PBX1: variants seen among roughly 807,000 people sequenced by gnomAD.
PBX1 encodes pre-B-cell leukemia transcription factor 1.
PBX1 carries 6 observed loss-of-function variants against 53.4 expected under a neutral mutation model. The observed-to-expected ratio is 0.11, with a 90% CI of 0.06 to 0.22. The LOEUF is 0.22. Among genes scored for constraint, PBX1 ranks in the 10% least tolerant of loss-of-function variants. PBX1 has a pLI of 1.00. For missense variants in PBX1, 251 were observed against 551.4 expected (o/e 0.46, Z 5.46); for synonymous variants, 204 against 212.3 (o/e 0.96, Z 0.34).
intron 2 of PBX1, among the ~76,000 whole-genome samples, chr1:164,643,243 T>C (rs1659251320): frequency 6.6e-6 from 1 of 152,156 alleles, no homozygotes; most frequent in African/African-American, 2.4e-5. Context: ...GCAGACGCTC[T>C]CCCTACCCCC....
At chr1:164,763,892 T>C (rs1401763731) in intron 2 of PBX1, among the ~76,000 whole-genome samples, 5 of 152,226 alleles carry the variant, frequency 3.3e-5, no homozygotes, top group Non-Finnish European at 5.9e-5. Context: ...GATTAATCTG[T>C]GTGCTCCAGG....
intron 2 of PBX1, among the ~76,000 whole-genome samples, chr1:164,652,909 G>C (rs534923309): frequency 2.7e-5 from 4 of 147,892 alleles, no homozygotes; most frequent in Admixed American, 1.4e-4. Context: ...TCACTCTGTC[G>C]CTCAGGCTGG....
intron 2 of PBX1, among the ~76,000 whole-genome samples, chr1:164,603,883 G>A (rs1383192203): frequency 7.6e-6 from 1 of 131,830 alleles, no homozygotes; most frequent in Non-Finnish European, 1.6e-5. Flanking sequence ...AGCAGATACT[G>A]TTTGCTAGAC....
At chr1:164,660,425 C>G (rs779612194) in intron 2 of PBX1, among the ~76,000 whole-genome samples, 3 of 152,164 alleles carry the variant, frequency 2.0e-5, no homozygotes, top group Admixed American at 6.5e-5. Flanking sequence ...CCCAAAACAC[C>G]TGTGTGGTAA....
At chr1:164,830,799 A>G (rs567979014) in intron 8 of PBX1, among the ~76,000 whole-genome samples, 1 of 152,220 alleles carries the variant, frequency 6.6e-6, no homozygotes, top group East Asian at 1.9e-4. Context: ...AGTCTATTCC[A>G]AGTGTAGTCT....
downstream of PBX1, among the ~76,000 whole-genome samples, chr1:164,853,908 C>T (rs1671918018): frequency 2.0e-5 from 3 of 151,250 alleles, no homozygotes; most frequent in South Asian, 6.3e-4. Flanking sequence ...TCCACCAAAT[C>T]CCCATTTTAT....
Position 164,725,443 on chromosome 1 carries a change from C to A in PBX1, c.266-67051C>A, listed in dbSNP as rs545314585. Among the ~76,000 whole-genome samples, 66 of 152,182 alleles carry A rather than the reference C, an allele frequency of 4.3e-4. 1 individual carries two copies. Among genetic ancestry groups the A allele is most frequent in the Admixed American group, 2.0e-3 (30 of 15,272 alleles). Reference sequence around the variant, plus strand: ...AGGATTCAAGGGCCTCCCGTGTAACCATGTTCTGCACATCAGCTCTCTTTG... The same window carrying A: ...AGGATTCAAGGGCCTCCCGTGTAACAATGTTCTGCACATCAGCTCTCTTTG... On this transcript the variant is annotated intron_variant, in intron 2 of 8. Transcript: ENST00000420696.
intron 2 of PBX1, among the ~76,000 whole-genome samples, chr1:164,765,193 G>A (rs753349891): frequency 2.4e-4 from 36 of 152,266 alleles, no homozygotes; most frequent in Middle Eastern, 3.4e-3. Flanking sequence ...GTATAAAGAT[G>A]TACATGTAGC....
At chr1:164,776,106 C>G (rs1667629646) in intron 2 of PBX1, among the ~76,000 whole-genome samples, 1 of 152,148 alleles carries the variant, frequency 6.6e-6, no homozygotes, top group Non-Finnish European at 1.5e-5. Flanking sequence ...CCATAGTAAC[C>G]AATCAAGGAA....
chr1:164,663,177 CCTTCCTTCCTGT>C (rs1358932490), intron 2 of PBX1, among the ~76,000 whole-genome samples: 4 of 149,842 alleles, frequency 2.7e-5, no homozygotes, highest in Non-Finnish European at 2.9e-5. Context: ...TTCCTTCCTG[CCTTCCTTCCTGT>C]CTTCCTTCCT....
chr1:164,758,089 A>C (rs1296370639), intron 2 of PBX1, among the ~76,000 whole-genome samples: 1 of 152,096 alleles, frequency 6.6e-6, no homozygotes, highest in African/African-American at 2.4e-5. Flanking sequence ...ATCCTTACCC[A>C]CAGCCGCCTC....
rs964044349 is a variant in PBX1, at chr1:164,850,316, G to A, written c.*3640G>A. On this transcript the variant is annotated 3_prime_UTR_variant, in exon 9 of 9. Coordinates refer to ENST00000420696, the MANE Select transcript of PBX1 (RefSeq NM_002585.4). ...ATTTCTTGTTTCACAATGTTTAAAA[G>A]TGACAGTAATTCATTTTGTAAACTA... 5.1e-6 allele frequency: 1 copy of A among 196,394 alleles called. No individual in the cohort carries two copies. The highest frequency in any genetic ancestry group is 2.4e-5 in the African/African-American group (1 of 41,638). 12.2% of individuals were successfully genotyped at this position (196,394 alleles called of 1,614,324 possible).
intron 2 of PBX1, among the ~76,000 whole-genome samples, chr1:164,663,208 T>TCCTGCCTTCCTG (rs1660601634): frequency 6.9e-6 from 1 of 145,514 alleles, no homozygotes; most frequent in African/African-American, 2.5e-5. Flanking sequence ...CTGCCTTCCT[T>TCCTGCCTTCCTG]CCTGCCTTCC....
chr1:164,586,042 C>T (rs1654930807), intron 2 of PBX1, among the ~76,000 whole-genome samples: 1 of 152,150 alleles, frequency 6.6e-6, no homozygotes, highest in Non-Finnish European at 1.5e-5. Context: ...AACTGGGGAA[C>T]CTGGCAGTAC....
chr1:164,582,603 A>G (rs566250067), intron 2 of PBX1, among the ~76,000 whole-genome samples: 1 of 151,966 alleles, frequency 6.6e-6, no homozygotes, highest in African/African-American at 2.4e-5. Flanking sequence ...TTGTATTTTT[A>G]GTAGAGATGG....
At chr1:164,563,357 A>C in intron 2 of PBX1, 46 bp downstream of exon 2, 1 of 1,260,586 alleles carries the variant, frequency 7.9e-7, no homozygotes, top group Non-Finnish European at 1.2e-6. Flanking sequence ...TGGCCAATTA[A>C]ATCACTTAAC....
At chr1:164,774,947 G>C (rs1352348363) in intron 2 of PBX1, among the ~76,000 whole-genome samples, 1 of 152,162 alleles carries the variant, frequency 6.6e-6, no homozygotes, top group African/African-American at 2.4e-5. Context: ...CTCTGCGTTC[G>C]GAAAAGAGGC....
At position 164,863,260 on chromosome 1, in the gene PBX1, C is replaced by T. The variant is rs575704227; in HGVS notation, n.257+31777C>T. 1.6e-3 allele frequency among the ~76,000 whole-genome samples: 238 copies of T among 152,282 alleles called. 1 individual carries two copies. Among genetic ancestry groups the T allele is most frequent in the Middle Eastern group, 3.4e-3 (1 of 294 alleles). On this transcript the variant is annotated intron_variant and non_coding_transcript_variant, in intron 2 of 2. Transcript: ENST00000558796. Reference sequence around the variant, plus strand: ...AGATCTGTTGTGATAATTGTAGATGCGTTAGCAGAGGGCAAGGGGTGACAG... The same window carrying T: ...AGATCTGTTGTGATAATTGTAGATGTGTTAGCAGAGGGCAAGGGGTGACAG...
chr1:164,732,259 G>A (rs1665036519), intron 2 of PBX1, among the ~76,000 whole-genome samples: 1 of 152,098 alleles, frequency 6.6e-6, no homozygotes, highest in Non-Finnish European at 1.5e-5. Flanking sequence ...GTAAGGAATT[G>A]ATAAAAGGAT....
Sources: gnomAD v4.1 joint callset for allele counts (sites outside exome capture counted in the v4.1 genomes callset) on GRCh38, gnomAD v4.1.1 for gene constraint, MANE v1.5 for transcripts, NCBI Gene and HGNC (gene_info 2026-07-23, HGNC 2026-07-21) for gene names.